PRRC2B: variants seen among roughly 807,000 people sequenced by gnomAD.
The protein encoded by PRRC2B is protein PRRC2B.
A neutral mutation model predicts 242.3 loss-of-function variants in PRRC2B; 68 were observed. That is an observed-to-expected ratio of 0.28 (90% CI 0.23 to 0.34). The LOEUF is 0.34. PRRC2B is among the 10% of genes least tolerant of loss of function. PRRC2B has a pLI of 1.00. For synonymous variants in PRRC2B, 1,228 were observed against 1,173.6 expected (o/e 1.05, Z -0.95); for missense variants, 2,835 against 2,954.8 (o/e 0.96, Z 0.94).
In PRRC2B at chr9:131,497,036, C is replaced by G. The variant is rs979684524; in HGVS notation, c.*1162C>G. 11 of 152,346 alleles carry G rather than the reference C, an allele frequency of 7.2e-5. No homozygotes were observed. Among genetic ancestry groups the G allele is most frequent in the African/African-American group, 2.7e-4 (11 of 41,474 alleles). The allele number at this position is 152,346 out of a possible 1,614,324, so 9.4% of individuals were successfully genotyped here. On this transcript the variant is annotated 3_prime_UTR_variant, in exon 32 of 32. Transcript: ENST00000683519. ...CTCCCACACAGCTCATCGTGAACAC[C>G]ACTTGGTGATGGAGGGAGTGGACCC...
chr9:131,491,396 C>T (rs779635674), intron 28 of PRRC2B, 29 bp from the exon 29 acceptor site: 5 of 1,562,728 alleles, frequency 3.2e-6, no homozygotes, highest in Non-Finnish European at 8.7e-7. Flanking sequence ...GCATCATTCC[C>T]CCTCCTGACT....
chr9:131,478,384 G>T, intron 17 of PRRC2B, 90 bp from the exon 18 acceptor site: 1 of 1,274,396 alleles, frequency 7.8e-7, no homozygotes, highest in Non-Finnish European at 1.1e-6. Context: ...TGTCGAGCCT[G>T]ATGCTAGATC....
intron 1 of PRRC2B, among the ~76,000 whole-genome samples, chr9:131,404,798 C>A (rs1837323535): frequency 6.6e-6 from 1 of 152,190 alleles, no homozygotes; most frequent in East Asian, 1.9e-4. Flanking sequence ...CTTGATTTAA[C>A]CTCTGTCTCC....
chr9:131,499,608 A>C lies in PRRC2B; in HGVS notation c.*3734A>C, dbSNP rs1944415763. 1 of 152,180 alleles carries C rather than the reference A, an allele frequency of 6.6e-6. No homozygotes were observed. Among genetic ancestry groups the C allele is most frequent in the East Asian group, 1.9e-4 (1 of 5,196 alleles). The allele number at this position is 152,180 out of a possible 1,614,324, so 9.4% of individuals were successfully genotyped here. On this transcript the variant is annotated 3_prime_UTR_variant, in exon 32 of 32. Coordinates refer to ENST00000683519, the MANE Select transcript of PRRC2B (RefSeq NM_013318.4). ...GGACGCTGTCGCCCAGCCATGCTCC[A>C]CCAGGGCCACCAATGTGTAGTTGGC...
rs147443269 is a variant in PRRC2B, at chr9:131,475,645, C to T, written c.3516C>T (p.Gly1172=). 79 of 1,610,554 alleles carry T rather than the reference C, an allele frequency of 4.9e-5. No individual in the cohort carries two copies. The African/African-American group carries it at 6.4e-4, about 13-fold the overall frequency. The change falls in exon 16 of 32, where the codon GGC becomes GGT. Residue 1172 remains glycine (G), a synonymous_variant. Transcript: ENST00000683519. ...LEREESTLKK[G]DCRDSWRSNK... ...GGGAGGAGAGCACCTTGAAGAAGGG[C>T]GACTGCAGAGATTCTTGGCGGTCCA...
intron 12 of PRRC2B, among the ~76,000 whole-genome samples, chr9:131,466,999 C>T (rs1427000690): frequency 6.6e-6 from 1 of 152,114 alleles, no homozygotes; most frequent in African/African-American, 2.4e-5. Flanking sequence ...GACGGGGTTT[C>T]ACTGTGTTAG....
At chr9:131,480,810 A>G (rs1943838427) in intron 19 of PRRC2B, among the ~76,000 whole-genome samples, 1 of 152,048 alleles carries the variant, frequency 6.6e-6, no homozygotes, top group South Asian at 2.1e-4. Flanking sequence ...TGGCCATTCA[A>G]AAAGTGGTCT....
At chr9:131,447,625 A>T in intron 8 of PRRC2B, 37 bp from the exon 9 acceptor site, 1 of 1,550,088 alleles carries the variant, frequency 6.5e-7, no homozygotes, top group Non-Finnish European at 8.8e-7. Flanking sequence ...TTCCGTCTGT[A>T]TACTGGACAT....
chr9:131,421,321 G>GT (rs981131580), intron 1 of PRRC2B, among the ~76,000 whole-genome samples: 34 of 152,120 alleles, frequency 2.2e-4, no homozygotes, highest in African/African-American at 6.5e-4. Flanking sequence ...TACGTTAAAG[G>GT]TTTTTTTGCC....
In PRRC2B at chr9:131,385,758, A is replaced by G. The variant is rs548244646; in HGVS notation, c.-56+12027A>G. On this transcript the variant is annotated intron_variant, in intron 1 of 1. Coordinates refer to the PRRC2B transcript ENST00000682525. ...GCCCAGGCTGGAGTGCAGTGGTGTG[A>G]TCTCGGCTCACTGCAAGCTCCGCCT... Among the ~76,000 whole-genome samples, 15 of 149,276 alleles carry G rather than the reference A, an allele frequency of 1.0e-4. 1 individual carries two copies. The highest frequency in any genetic ancestry group is 1.5e-4 in the Non-Finnish European group (10 of 67,140).
At chr9:131,464,131 G>A (rs1039554103) in intron 11 of PRRC2B, among the ~76,000 whole-genome samples, 1 of 151,990 alleles carries the variant, frequency 6.6e-6, no homozygotes, top group Non-Finnish European at 1.5e-5. Context: ...TAGTAGAGAC[G>A]GTGTTTCACC....
chr9:131,414,031 C>A (rs1837575774), intron 1 of PRRC2B, among the ~76,000 whole-genome samples: 1 of 152,194 alleles, frequency 6.6e-6, no homozygotes, highest in African/African-American at 2.4e-5. Flanking sequence ...AATATCCAGA[C>A]TTTATAAAAG....
At chr9:131,473,207 T>C (rs904586162) in intron 14 of PRRC2B, among the ~76,000 whole-genome samples, 1 of 152,172 alleles carries the variant, frequency 6.6e-6, no homozygotes, top group African/African-American at 2.4e-5. Flanking sequence ...CTCCCTGCCC[T>C]GTATAGAAAG....
chr9:131,406,343 G>A (rs1208112016), intron 1 of PRRC2B, among the ~76,000 whole-genome samples: 1 of 152,204 alleles, frequency 6.6e-6, no homozygotes, highest in East Asian at 1.9e-4. Context: ...GTTCCCACGA[G>A]CAAGGGCGTT....
intron 1 of PRRC2B, among the ~76,000 whole-genome samples, chr9:131,408,063 G>A (rs72770783): frequency 0.01 from 1,530 of 152,316 alleles, 24 homozygotes; most frequent in Non-Finnish European, 0.013. Context: ...TCCGCCTCCT[G>A]CAGCTGAACT....
In PRRC2B at chr9:131,446,764, C is replaced by A; in HGVS notation, c.855+122C>A. 8.6e-7 allele frequency: 1 copy of A among 1,159,282 alleles called. No individual in the cohort carries two copies. The highest frequency in any genetic ancestry group is 1.2e-6 in the Non-Finnish European group (1 of 826,554). 71.8% of individuals were successfully genotyped at this position (1,159,282 alleles called of 1,614,324 possible). The stretch of plus-strand genomic sequence containing the variant: ...TGGCCCTGTTACCCTACTTCTGAGG[C>A]TTCCACTCGTTTTGCATTTTCTCTC... On this transcript the variant is annotated intron_variant, in intron 7 of 31. Transcript: ENST00000683519. The surrounding 1 kb of genome is among the most constrained non-coding windows in gnomAD (Gnocchi z 4.1).
At chr9:131,416,944 T>G (rs572293013) in intron 1 of PRRC2B, among the ~76,000 whole-genome samples, 19 of 152,332 alleles carry the variant, frequency 1.2e-4, no homozygotes, top group African/African-American at 4.6e-4. Flanking sequence ...TTATAATACA[T>G]ATTTTTAATC....
At chr9:131,462,105 G>A (rs910251626) in intron 11 of PRRC2B, among the ~76,000 whole-genome samples, 4 of 152,046 alleles carry the variant, frequency 2.6e-5, no homozygotes, top group African/African-American at 9.7e-5. Context: ...TATTCAAAAG[G>A]TTTCACTTTA....
chr9:131,439,376 G>C (rs1370990991), intron 5 of PRRC2B, among the ~76,000 whole-genome samples: 2 of 152,246 alleles, frequency 1.3e-5, no homozygotes, highest in African/African-American at 2.4e-5. Flanking sequence ...CAGCAGCTCT[G>C]AGTGGGAAGG....
Sources: gnomAD v4.1 joint callset for allele counts (sites outside exome capture counted in the v4.1 genomes callset) on GRCh38, gnomAD v4.1.1 for gene constraint, Gnocchi (gnomAD v3.1) non-coding constraint, MANE v1.5 for transcripts, NCBI Gene and HGNC (gene_info 2026-07-23, HGNC 2026-07-21) for gene names.